MAGI2: variants seen among roughly 807,000 people sequenced by gnomAD.
MAGI2 encodes membrane associated guanylate kinase, WW and PDZ domain containing 2.
MAGI2 carries 35 observed loss-of-function variants against 133.3 expected under a neutral mutation model. The observed-to-expected ratio is 0.26, with a 90% CI of 0.20 to 0.35. The LOEUF (loss-of-function observed/expected upper bound fraction) is 0.35, where lower values mean the gene tolerates loss of function less well. MAGI2 is among the 10% of genes least tolerant of loss of function. MAGI2 has a pLI of 1.00. For missense variants in MAGI2, 1,636 were observed against 1,863.4 expected (o/e 0.88, Z 2.25); for synonymous variants, 729 against 710.6 (o/e 1.03, Z -0.41).
At chr7:78,267,530 A>C (rs756848581) in intron 9 of MAGI2, among the ~76,000 whole-genome samples, 5 of 152,210 alleles carry the variant, frequency 3.3e-5, no homozygotes, top group Non-Finnish European at 7.3e-5. Context: ...CAGCCTGTTC[A>C]TTGGGCCATA....
chr7:78,897,492 A>G (rs1797300824), intron 2 of MAGI2, among the ~76,000 whole-genome samples: 1 of 152,190 alleles, frequency 6.6e-6, no homozygotes, highest in Admixed American at 6.5e-5. Context: ...GACTGTGTTA[A>G]ACATAACCAT....
chr7:78,489,082 A>G (rs1463182839), intron 6 of MAGI2, among the ~76,000 whole-genome samples: 3 of 152,030 alleles, frequency 2.0e-5, no homozygotes, highest in Non-Finnish European at 4.4e-5. Context: ...ATTAAACTCA[A>G]TATTTTAAAA....
intron 6 of MAGI2, among the ~76,000 whole-genome samples, chr7:78,422,641 A>G (rs1798906008): frequency 6.6e-6 from 1 of 152,140 alleles, no homozygotes. Context: ...TGCAGATATA[A>G]GAGAATAAAG....
chr7:78,776,016 T>G (rs1422137823), intron 2 of MAGI2, among the ~76,000 whole-genome samples: 1 of 152,238 alleles, frequency 6.6e-6, no homozygotes, highest in Non-Finnish European at 1.5e-5. Flanking sequence ...CTCTGTCATT[T>G]GTGGGCTGTG....
intron 1 of MAGI2, among the ~76,000 whole-genome samples, chr7:79,265,237 T>C (rs770789579): frequency 6.6e-6 from 1 of 152,182 alleles, no homozygotes; most frequent in Non-Finnish European, 1.5e-5. Context: ...CCAGACTTAC[T>C]GAACCAGAGA....
At chr7:78,779,326 C>T (rs1826224318) in intron 2 of MAGI2, among the ~76,000 whole-genome samples, 1 of 152,264 alleles carries the variant, frequency 6.6e-6, no homozygotes, top group Admixed American at 6.5e-5. Flanking sequence ...TGACATTTGC[C>T]TGAATGGCTT....
At chr7:79,404,529 T>G (rs1220262405) in intron 1 of MAGI2, among the ~76,000 whole-genome samples, 2 of 152,130 alleles carry the variant, frequency 1.3e-5, no homozygotes, top group Non-Finnish European at 2.9e-5. Context: ...GTTATATGAA[T>G]ACATTTTTCT....
At chr7:79,289,998 ATTC>A (rs1168844705) in intron 1 of MAGI2, among the ~76,000 whole-genome samples, 2 of 152,026 alleles carry the variant, frequency 1.3e-5, no homozygotes, top group Non-Finnish European at 2.9e-5. Context: ...AAAGTGATCT[ATTC>A]TTCTCTAAGA....
At chr7:79,076,581 GATAA>G (rs1165011667) in intron 1 of MAGI2, among the ~76,000 whole-genome samples, 2 of 152,122 alleles carry the variant, frequency 1.3e-5, no homozygotes, top group Non-Finnish European at 2.9e-5. Flanking sequence ...TATCTCATGA[GATAA>G]ATAGATATTG....
At chr7:78,132,668 G>A (rs1002950937) in intron 18 of MAGI2, among the ~76,000 whole-genome samples, 4 of 152,294 alleles carry the variant, frequency 2.6e-5, no homozygotes, top group African/African-American at 9.6e-5. Context: ...CACCATTTCT[G>A]CAGGAAAGCA....
intron 15 of MAGI2, among the ~76,000 whole-genome samples, chr7:78,161,673 AAAAAAAAAAAAAAAG>A (rs1242795998): frequency 3.4e-5 from 5 of 146,114 alleles, no homozygotes; most frequent in Non-Finnish European, 7.5e-5. Flanking sequence ...TACCTAAAAA[AAAAAAAAAAAAAAAG>A]AAAAAAAAAA....
At chr7:78,836,508 T>A (rs1241416916) in intron 2 of MAGI2, among the ~76,000 whole-genome samples, 2 of 152,204 alleles carry the variant, frequency 1.3e-5, no homozygotes, top group African/African-American at 2.4e-5. Flanking sequence ...TAGAGAGTAC[T>A]GAGTAGCGAA....
At chr7:78,580,630 C>G (rs2215932) in intron 3 of MAGI2, among the ~76,000 whole-genome samples, 2,379 of 152,210 alleles carry the variant, frequency 0.016, 67 homozygotes, top group African/African-American at 0.055. Context: ...CCAGCCAAAC[C>G]TAGTTAGAAA....
Position 78,234,612 on chromosome 7 carries a change from ATT to A in MAGI2, c.2047+21329_2047+21330del, listed in dbSNP as rs1293063995. On this transcript the variant is annotated intron_variant, in intron 10 of 21. Coordinates refer to ENST00000354212, the MANE Select transcript of MAGI2 (RefSeq NM_012301.4). ...ATATAATATAATGAATATATTTCAT[ATT>A]CATTATATTTCATATAATATAATGA... Among the ~76,000 whole-genome samples the A allele has an allele frequency of 9.6e-3, 734 of 76,422 alleles. 10 individuals carry two copies. Among genetic ancestry groups the A allele is most frequent in the African/African-American group, 0.022 (699 of 31,362 alleles). 50.1% of individuals were successfully genotyped at this position (76,422 alleles called of 152,430 possible). A position where few individuals can be genotyped will look rare whatever the true frequency, so the allele number is the denominator to read the frequency against.
intron 9 of MAGI2, among the ~76,000 whole-genome samples, chr7:78,321,256 T>C (rs959694806): frequency 6.6e-6 from 1 of 152,114 alleles, no homozygotes; most frequent in Non-Finnish European, 1.5e-5. Flanking sequence ...CTTCACAGAA[T>C]TGGAAAAAAT....
intron 9 of MAGI2, among the ~76,000 whole-genome samples, chr7:78,287,975 A>G (rs183058350): frequency 1.1e-3 from 173 of 152,316 alleles, no homozygotes; most frequent in African/African-American, 4.0e-3. Context: ...GACTTAACAA[A>G]GGTACCCAAG....
At chr7:78,070,488 GTA>G (rs1394995553) in intron 21 of MAGI2, among the ~76,000 whole-genome samples, 6 of 143,344 alleles carry the variant, frequency 4.2e-5, no homozygotes, top group Non-Finnish European at 7.6e-5. Flanking sequence ...ATATGTGTGT[GTA>G]TATATGTGTG....
At chr7:78,165,403 C>T (rs1484462149) in intron 15 of MAGI2, among the ~76,000 whole-genome samples, 1 of 152,146 alleles carries the variant, frequency 6.6e-6, no homozygotes, top group Non-Finnish European at 1.5e-5. Flanking sequence ...TTTGTGTTAT[C>T]TTAGTTTTTG....
intron 1 of MAGI2, among the ~76,000 whole-genome samples, chr7:79,098,168 C>G (rs944233152): frequency 1.1e-4 from 17 of 152,106 alleles, no homozygotes; most frequent in Admixed American, 9.2e-4. Context: ...CTTCCTCCTT[C>G]CTGCAGTCTG....
Sources: gnomAD v4.1 joint callset for allele counts (sites outside exome capture counted in the v4.1 genomes callset) on GRCh38, gnomAD v4.1.1 for gene constraint, MANE v1.5 for transcripts, NCBI Gene and HGNC (gene_info 2026-07-23, HGNC 2026-07-21) for gene names.